The following MRM2 variants were observed in gnomAD, a reference collection of about 807,000 sequenced individuals.
MRM2 encodes mitochondrial rRNA methyltransferase 2.
In MRM2, 15 loss-of-function variants were observed where a neutral mutation model predicts 10.9. That is an observed-to-expected ratio of 1.37 (90% CI 0.92 to 2.11). MRM2 has a LOEUF of 2.11. Among genes scored for constraint, MRM2 ranks in the 30% most tolerant of loss-of-function variants. The probability of loss-of-function intolerance (pLI) is 0.00; values close to 1 mark genes in which losing one functional copy is unlikely to be tolerated. For missense variants in MRM2, 328 were observed against 321.3 expected (o/e 1.02, Z -0.16); for synonymous variants, 139 against 128.7 (o/e 1.08, Z -0.54).
At chr7:2,237,348 G>A (rs1794436062) in intron 2 of MRM2, among the ~76,000 whole-genome samples, 1 of 152,186 alleles carries the variant, frequency 6.6e-6, no homozygotes, top group Admixed American at 6.5e-5. Context: ...TATCCAGTAT[G>A]TTACAACCTT....
At chr7:2,238,900 A>C (rs757502137) in intron 2 of MRM2, 2 of 187,198 alleles carry the variant, frequency 1.1e-5, no homozygotes, top group South Asian at 2.5e-4. Flanking sequence ...CCGAGATCAC[A>C]CCATTGCACT....
At chr7:2,237,721 C>T (rs1009878753) in intron 2 of MRM2, among the ~76,000 whole-genome samples, 24 of 152,036 alleles carry the variant, frequency 1.6e-4, no homozygotes, top group Middle Eastern at 6.8e-3. Flanking sequence ...GCGGGCGGAT[C>T]ACCTGAGGCC....
At chr7:2,240,041 G>T (rs1489625040) in intron 1 of MRM2, among the ~76,000 whole-genome samples, 1 of 152,136 alleles carries the variant, frequency 6.6e-6, no homozygotes, top group Admixed American at 6.5e-5. Flanking sequence ...TGGCCAACAT[G>T]ATGAAACCCC....
chr7:2,238,618 C>T (rs1021885550), intron 2 of MRM2: 3 of 152,130 alleles, frequency 2.0e-5, no homozygotes, highest in Non-Finnish European at 2.9e-5. Context: ...TTTAGCTGTG[C>T]TGTTGGGGAA....
chr7:2,235,550 C>T lies in MRM2; in HGVS notation c.313G>A (p.Val105Ile), dbSNP rs1316067511. 1 of 1,609,762 alleles carries T rather than the reference C, an allele frequency of 6.2e-7. No individual in the cohort carries two copies. The highest frequency in any genetic ancestry group is 8.5e-7 in the Non-Finnish European group (1 of 1,177,368). The change falls in exon 3 of 3, where the codon GTT becomes ATT. Residue 105 changes from valine (V) to isoleucine (I), a missense_variant. Coordinates refer to ENST00000242257, the MANE Select transcript of MRM2 (RefSeq NM_013393.3). The part of the protein sequence containing the change: ...NAAGTDPSSP[V>I]GFVLGVDLLH... ...AGATCTACCCCAAGCACGAAGCCAA[C>T]AGGAGAGCTGGGATCTATGGAAGAA...
At chr7:2,237,644 A>T (rs1055085426) in intron 2 of MRM2, among the ~76,000 whole-genome samples, 1 of 152,186 alleles carries the variant, frequency 6.6e-6, no homozygotes, top group Non-Finnish European at 1.5e-5. Context: ...GAAAAACAAT[A>T]AAAAGGCTTT....
At position 2,235,159 on chromosome 7, in the gene MRM2, G is replaced by A. The variant is rs1169055962; in HGVS notation, c.704C>T (p.Thr235Ile). The A allele has an allele frequency of 2.5e-6, 4 of 1,614,076 alleles. No homozygotes were observed. The highest frequency in any genetic ancestry group is 1.1e-5 in the South Asian group (1 of 91,088). ...AGTGCCCTTCCTTCCGTGGTACTGT[G>A]TGGCCAAGAAGTACACTTCTGATGA... ...KESSEVYFLA[T>I]QYHGRKGTVK... is the part of the protein sequence containing the mutation. Residue 235 changes from threonine (T) to isoleucine (I), a missense_variant, in exon 3 of 3, where the codon ACA becomes ATA. Physicochemically the swap from Thr to Ile is moderately conservative, Grantham distance 89. Coordinates refer to ENST00000242257, the MANE Select transcript of MRM2 (RefSeq NM_013393.3).
intron 2 of MRM2, chr7:2,238,062 C>G (rs1338264426): frequency 6.6e-6 from 1 of 152,158 alleles, no homozygotes; most frequent in African/African-American, 2.4e-5. Context: ...GGCCAGCATT[C>G]CATTTCTGCA....
In MRM2 at chr7:2,235,375, CG is replaced by C. The variant is rs762492927; in HGVS notation, c.487del (p.Arg163GlyfsTer13). 1.4e-5 allele frequency: 22 copies of C among 1,613,954 alleles called. No individual in the cohort carries two copies. Among genetic ancestry groups the C allele is most frequent in the Non-Finnish European group, 1.7e-5 (20 of 1,180,032 alleles). On this transcript the variant is annotated frameshift_variant, in exon 3 of 3. Coordinates refer to ENST00000242257, the MANE Select transcript of MRM2 (RefSeq NM_013393.3). LOFTEE classifies it low-confidence loss of function (END_TRUNC). ...GATGAGCCTGTCATGATCGAGGTCC[CG>C]GAACCCTGTGGCATTGGGCGCCATG... ...SDMAPNATGFRDLDHDRLISL... is the reference protein window; with the variant it reads ...SDMAPNATGFXDLDHDRLISL...
chr7:2,235,989 G>T (rs1484641606), intron 2 of MRM2, among the ~76,000 whole-genome samples: 1 of 152,234 alleles, frequency 6.6e-6, no homozygotes, highest in Non-Finnish European at 1.5e-5. Context: ...CAGCACTTTG[G>T]GAGGCTGACA....
intron 2 of MRM2, among the ~76,000 whole-genome samples, chr7:2,236,790 CA>C (rs1794426208): frequency 6.6e-6 from 1 of 152,094 alleles, no homozygotes; most frequent in Admixed American, 6.6e-5. Flanking sequence ...TCAACTCTGA[CA>C]ATTTCTCAAC....
At chr7:2,242,016 T>G (rs1162822964) in intron 1 of MRM2, 146 bp downstream of exon 1, 1 of 832,552 alleles carries the variant, frequency 1.2e-6, no homozygotes, top group Non-Finnish European at 1.7e-6. Context: ...CCCGGAATCC[T>G]GGCCTCGCCC....
chr7:2,235,140 C>T lies in MRM2; in HGVS notation c.723G>A (p.Lys241=). 6.2e-7 allele frequency: 1 copy of T among 1,613,038 alleles called. No individual in the cohort carries two copies. The highest frequency in any genetic ancestry group is 8.5e-7 in the Non-Finnish European group (1 of 1,179,078). The part of the protein sequence containing the change: ...YFLATQYHGR[K]GTVKQ Reference sequence around the variant, plus strand: ...GAAATCCTCACTGCTTCACAGTGCCCTTCCTTCCGTGGTACTGTGTGGCCA... The same window carrying T: ...GAAATCCTCACTGCTTCACAGTGCCTTTCCTTCCGTGGTACTGTGTGGCCA... The change falls in exon 3 of 3, where the codon AAG becomes AAA. Residue 241 remains lysine (K), a synonymous_variant. Coordinates refer to ENST00000242257, the MANE Select transcript of MRM2 (RefSeq NM_013393.3).
chr7:2,239,350 G>C, intron 2 of MRM2, 68 bp downstream of exon 2: 2 of 1,499,308 alleles, frequency 1.3e-6, no homozygotes, highest in Non-Finnish European at 1.8e-6. Flanking sequence ...CACTGGCAAA[G>C]GCAGCTTGCC....
In MRM2 at chr7:2,234,987, G is replaced by C; in HGVS notation, c.*135C>G. ...GGTTAAAAAGAGAGAGAGAGAAAGA[G>C]AGAGAGAGACTCCCCACTTGTCCTG... On this transcript the variant is annotated 3_prime_UTR_variant, in exon 3 of 3. Transcript: ENST00000242257. The C allele has an allele frequency of 3.0e-6, 2 of 664,822 alleles. No homozygotes were observed. The highest frequency in any genetic ancestry group is 5.2e-6 in the Non-Finnish European group (2 of 383,364). The allele number at this position is 664,822 out of a possible 1,614,324, so 41.2% of individuals were successfully genotyped here.
intron 1 of MRM2, 121 bp from the exon 2 acceptor site, chr7:2,239,828 G>A: frequency 1.2e-6 from 1 of 848,744 alleles, no homozygotes; most frequent in Non-Finnish European, 1.9e-6. Flanking sequence ...CCCAGGAGGG[G>A]AGGTGAACTG....
intron 1 of MRM2, chr7:2,241,882 C>T: frequency 2.4e-6 from 1 of 418,448 alleles, no homozygotes; most frequent in Non-Finnish European, 4.2e-6. Context: ...GCCCCCGGCG[C>T]CTTGGATCTG....
chr7:2,235,380 C>A lies in MRM2; in HGVS notation c.483G>T (p.Gly161=), dbSNP rs185019081. The change falls in exon 3 of 3, where the codon GGG becomes GGT. Residue 161 remains glycine (G), a synonymous_variant. Transcript: ENST00000242257. ...GCCTGTCATGATCGAGGTCCCGGAA[C>A]CCTGTGGCATTGGGCGCCATGTCGC... The part of the protein sequence containing the change: ...ILSDMAPNAT[G]FRDLDHDRLI... The A allele has an allele frequency of 1.5e-5, 24 of 1,614,116 alleles. 1 individual carries two copies. In the Admixed American group the frequency reaches 1.8e-4, roughly 12 times the overall value.
chr7:2,235,542 G>A lies in MRM2; in HGVS notation c.321C>T (p.Phe107=), dbSNP rs11547272. The A allele has an allele frequency of 3.1e-3, 5,005 of 1,611,642 alleles. 144 individuals are homozygous for A. In the African/African-American group the frequency reaches 0.058, roughly 19 times the overall value. The change falls in exon 3 of 3, where the codon TTC becomes TTT. Residue 107 remains phenylalanine, a synonymous_variant. Coordinates refer to ENST00000242257, the MANE Select transcript of MRM2 (RefSeq NM_013393.3). ...AGTDPSSPVG[F]VLGVDLLHIF... ...TGTGAAGAAGATCTACCCCAAGCAC[G>A]AAGCCAACAGGAGAGCTGGGATCTA...
Sources: allele counts gnomAD v4.1 joint callset (sites outside exome capture counted in the v4.1 genomes callset), GRCh38; gene constraint gnomAD v4.1.1; transcripts MANE v1.5; gene names NCBI Gene and HGNC (gene_info 2026-07-23, HGNC 2026-07-21).